The following ADK variants were observed in gnomAD, a reference collection of about 807,000 sequenced individuals.
ADK encodes N6,N6-dimethyladenosine kinase.
Under a neutral mutation model 44.7 loss-of-function variants are expected in ADK, and 24 were observed. That is an observed-to-expected ratio of 0.54 (90% CI 0.39 to 0.76). The LOEUF (loss-of-function observed/expected upper bound fraction) is 0.76, where lower values mean the gene tolerates loss of function less well. Ranked by LOEUF, ADK falls within the 30% of genes least tolerant of loss-of-function variation. The pLI is 0.00. For missense variants in ADK, 321 were observed against 425.1 expected, an observed-to-expected ratio of 0.76 and a Z score of 2.15; for synonymous variants, 128 against 142.6, an observed-to-expected ratio of 0.90 and a Z score of 0.73.
chr10:74,406,517 T>TAAGAAG (rs1459658853), intron 6 of ADK, among the ~76,000 whole-genome samples: 10 of 52,180 alleles, frequency 1.9e-4, no homozygotes, highest in African/African-American at 6.1e-4. Context: ...ATAATAATAA[T>TAAGAAG]AATAATAATA....
chr10:74,433,330 G>T (rs989256608), intron 6 of ADK, among the ~76,000 whole-genome samples: 1 of 152,200 alleles, frequency 6.6e-6, no homozygotes, highest in African/African-American at 2.4e-5. Flanking sequence ...AATTACAAGT[G>T]TTCCTTTCCT....
chr10:74,281,477 A>G (rs1846933546), intron 3 of ADK, among the ~76,000 whole-genome samples: 2 of 152,238 alleles, frequency 1.3e-5, no homozygotes, highest in South Asian at 4.1e-4. Context: ...CAACTAGTGT[A>G]GCTACTTTGA....
At chr10:74,284,617 C>G (rs1847089168) in intron 3 of ADK, among the ~76,000 whole-genome samples, 1 of 152,216 alleles carries the variant, frequency 6.6e-6, no homozygotes, top group African/African-American at 2.4e-5. Context: ...TCTGTTTCTT[C>G]TATCCCAACA....
At chr10:74,489,694 ATTCCAAC>A (rs1847404175) in intron 6 of ADK, among the ~76,000 whole-genome samples, 2 of 150,998 alleles carry the variant, frequency 1.3e-5, no homozygotes, top group Non-Finnish European at 3.0e-5. Context: ...TTTTTTTACT[ATTCCAAC>A]TGGAATAATA....
At chr10:74,388,659 T>C (rs1265467954) in intron 4 of ADK, among the ~76,000 whole-genome samples, 2 of 152,192 alleles carry the variant, frequency 1.3e-5, no homozygotes, top group African/African-American at 4.8e-5. Context: ...TCAACTCTTC[T>C]TTGAAAATTT....
intron 9 of ADK, among the ~76,000 whole-genome samples, chr10:74,609,167 G>A (rs1245447262): frequency 6.6e-6 from 1 of 152,170 alleles, no homozygotes; most frequent in East Asian, 1.9e-4. Context: ...ATCTTAGCTT[G>A]CTGGGCTCCG....
At chr10:74,273,594 A>G (rs1846530681) in intron 3 of ADK, among the ~76,000 whole-genome samples, 1 of 151,926 alleles carries the variant, frequency 6.6e-6, no homozygotes, top group Non-Finnish European at 1.5e-5. Context: ...AGTAGCTGGG[A>G]TTACAGGTGG....
In ADK at chr10:74,314,694, A is replaced by G. The variant is rs372669372; in HGVS notation, c.222A>G (p.Lys74=). 8.1e-6 allele frequency: 13 copies of G among 1,613,110 alleles called. No homozygotes were observed. The African/African-American group carries it at 1.7e-4, about 21-fold the overall frequency. Residue 74 remains lysine, a synonymous_variant, in exon 4 of 11, where the codon AAA becomes AAG. Coordinates refer to ENST00000539909, the MANE Select transcript of ADK (RefSeq NM_006721.4). The part of the protein sequence containing the change: ...ELFDELVKKF[K]VEYHAGGSTQ... ...TTGATGAACTTGTGAAAAAATTCAA[A>G]GTCGAATATCATGCTGGTGGCTCTA... is the stretch of plus-strand genomic sequence containing the variant.
chr10:74,192,519 C>A (rs1437630316), intron 1 of ADK, among the ~76,000 whole-genome samples: 1 of 149,226 alleles, frequency 6.7e-6, no homozygotes, highest in Non-Finnish European at 1.5e-5. Flanking sequence ...AGCCACTGCA[C>A]CTGGCCCATT....
intron 9 of ADK, among the ~76,000 whole-genome samples, chr10:74,663,086 A>G (rs1189643262): frequency 1.3e-5 from 2 of 151,902 alleles, no homozygotes; most frequent in Non-Finnish European, 2.9e-5. Context: ...AAGTACAAAA[A>G]GTTAGCTGGG....
At chr10:74,572,475 A>G (rs1199003288) in intron 7 of ADK, among the ~76,000 whole-genome samples, 2 of 152,010 alleles carry the variant, frequency 1.3e-5, no homozygotes, top group Non-Finnish European at 2.9e-5. Context: ...TCTGACAGTT[A>G]TGTGTCTTGG....
At chr10:74,478,749 AATACTTAGC>A (rs961872215) in intron 6 of ADK, among the ~76,000 whole-genome samples, 26 of 152,348 alleles carry the variant, frequency 1.7e-4, no homozygotes, top group African/African-American at 6.3e-4. Flanking sequence ...GTTAGTGTTT[AATACTTAGC>A]ATATAGCTAA....
At chr10:74,558,470 A>G (rs1202954561) in intron 7 of ADK, among the ~76,000 whole-genome samples, 1 of 152,188 alleles carries the variant, frequency 6.6e-6, no homozygotes, top group African/African-American at 2.4e-5. Context: ...TGACAGGAGT[A>G]AATTCTCTCA....
rs368932484 is a variant in ADK, at chr10:74,460,729, G to A, written c.555+62150G>A. On this transcript the variant is annotated intron_variant, in intron 6 of 10. Transcript: ENST00000539909. ...TCCTTAACAAATATGAGACTTGAAA[G>A]GTTGTTTTTGTTTGTGTCCTCTCCT... Among the ~76,000 whole-genome samples, 35 of 152,228 alleles carry A rather than the reference G, an allele frequency of 2.3e-4. 1 individual carries two copies. Among genetic ancestry groups the A allele is most frequent in the Middle Eastern group, 6.8e-3 (2 of 294 alleles).
At chr10:74,248,644 G>A (rs1237531736) in intron 3 of ADK, among the ~76,000 whole-genome samples, 1 of 152,134 alleles carries the variant, frequency 6.6e-6, no homozygotes, top group African/African-American at 2.4e-5. Context: ...ATGATCCACC[G>A]TGCCCAGCCT....
intron 9 of ADK, among the ~76,000 whole-genome samples, chr10:74,643,851 A>G (rs1189988655): frequency 1.3e-5 from 2 of 152,188 alleles, no homozygotes; most frequent in Non-Finnish European, 2.9e-5. Context: ...AGGTCTTTCT[A>G]CTGCCTGTTC....
chr10:74,397,741 T>A (rs1246389953), intron 5 of ADK, among the ~76,000 whole-genome samples: 1 of 152,074 alleles, frequency 6.6e-6, no homozygotes, highest in Non-Finnish European at 1.5e-5. Context: ...GATCTGGCTG[T>A]GTTGCCCAGG....
At chr10:74,678,110 C>T (rs546219277) in intron 10 of ADK, among the ~76,000 whole-genome samples, 162 of 138,322 alleles carry the variant, frequency 1.2e-3, no homozygotes, top group African/African-American at 4.4e-3. Context: ...CACTGCACTA[C>T]AGTCTGGGCA....
At chr10:74,631,880 C>G (rs781478722) in intron 9 of ADK, among the ~76,000 whole-genome samples, 7 of 152,142 alleles carry the variant, frequency 4.6e-5, no homozygotes, top group Non-Finnish European at 8.8e-5. Flanking sequence ...TTCTTCCCAC[C>G]CTGTTCCCAC....
Sources: allele counts gnomAD v4.1 joint callset (sites outside exome capture counted in the v4.1 genomes callset), GRCh38; gene constraint gnomAD v4.1.1; transcripts MANE v1.5; gene names NCBI Gene and HGNC (gene_info 2026-07-23, HGNC 2026-07-21).